The following DLGAP4 variants were observed in gnomAD, a reference collection of about 807,000 sequenced individuals.
DLGAP4 encodes the protein DLG associated protein 4.
DLGAP4 carries 18 observed loss-of-function variants against 86.9 expected under a neutral mutation model. That is an observed-to-expected ratio of 0.21 (90% confidence interval 0.14 to 0.31). The LOEUF is 0.31. Ranked by LOEUF, DLGAP4 falls within the 10% of genes least tolerant of loss-of-function variation. The probability of loss-of-function intolerance (pLI) is 1.00; values close to 1 mark genes in which losing one functional copy is unlikely to be tolerated. For synonymous variants in DLGAP4, 548 were observed against 574.3 expected (o/e 0.95, Z 0.65); for missense variants, 1,085 against 1,362.6 (o/e 0.80, Z 3.21).
At chr20:36,522,701 A>G (rs961862561) in intron 10 of DLGAP4, among the ~76,000 whole-genome samples, 2 of 152,140 alleles carry the variant, frequency 1.3e-5, no homozygotes, top group East Asian at 3.9e-4. Flanking sequence ...TATTTTTAGT[A>G]GAGACAGGGT....
At chr20:36,495,490 C>T (rs1313430014) in intron 7 of DLGAP4, among the ~76,000 whole-genome samples, 1 of 152,180 alleles carries the variant, frequency 6.6e-6, no homozygotes, top group Non-Finnish European at 1.5e-5. Flanking sequence ...AGTTAAGGTG[C>T]TGAGAAAGGC....
chr20:36,497,328 T>C, intron 8 of DLGAP4: 1 of 1,340,404 alleles, frequency 7.5e-7, no homozygotes, highest in East Asian at 3.0e-5. Flanking sequence ...GTAGTTACAC[T>C]CAGCCAGCCA....
At chr20:36,461,085 G>C (rs2034017618) in intron 7 of DLGAP4, among the ~76,000 whole-genome samples, 1 of 152,164 alleles carries the variant, frequency 6.6e-6, no homozygotes, top group South Asian at 2.1e-4. Flanking sequence ...CCCTTACAGC[G>C]AGGTGTCGCT....
intron 2 of DLGAP4, among the ~76,000 whole-genome samples, chr20:36,387,251 G>A (rs553020247): frequency 5.3e-5 from 8 of 152,196 alleles, no homozygotes; most frequent in East Asian, 1.9e-4. Flanking sequence ...CATTAGCGTC[G>A]CCTGACTATT....
rs1399487484 is a variant in DLGAP4 at position 36,360,924 on chromosome 20, G to A, written c.-303-6121G>A. ...TGACGGGCCAAGGGTTCAGGAGGCC[G>A]CTGGGGAGATGAGCCTCAGGTTCAG... On this transcript the variant is annotated intron_variant, in intron 1 of 12. Transcript: ENST00000339266. 3.3e-5 allele frequency among the ~76,000 whole-genome samples: 5 copies of A among 152,056 alleles called. No individual in the cohort carries two copies. The South Asian group carries it at 8.3e-4, about 25-fold the overall frequency.
At chr20:36,445,466 T>G (rs1284748133) in intron 6 of DLGAP4, among the ~76,000 whole-genome samples, 3 of 152,332 alleles carry the variant, frequency 2.0e-5, no homozygotes, top group South Asian at 4.1e-4. Context: ...ATCGCGCCAC[T>G]GCACTTCAGC....
intron 1 of DLGAP4, among the ~76,000 whole-genome samples, chr20:36,317,738 G>A (rs1410544229): frequency 6.6e-6 from 1 of 150,704 alleles, no homozygotes; most frequent in Non-Finnish European, 1.5e-5. Flanking sequence ...TTGTGGGCGT[G>A]AGCCACCGAG....
At chr20:36,479,288 C>A (rs1036634123) in intron 7 of DLGAP4, among the ~76,000 whole-genome samples, 1 of 152,072 alleles carries the variant, frequency 6.6e-6, no homozygotes, top group Non-Finnish European at 1.5e-5. Context: ...AGGATGAGGG[C>A]TCTGCCAGCC....
chr20:36,370,032 G>C (rs973948249), intron 2 of DLGAP4, among the ~76,000 whole-genome samples: 1 of 152,082 alleles, frequency 6.6e-6, no homozygotes, highest in African/African-American at 2.4e-5. Flanking sequence ...CAAGGATCGG[G>C]GTCCAGGAAG....
intron 2 of DLGAP4, among the ~76,000 whole-genome samples, chr20:36,425,199 A>AAT (rs1344373997): frequency 1.3e-5 from 2 of 152,206 alleles, no homozygotes; most frequent in African/African-American, 4.8e-5. Context: ...CAATATCTAG[A>AAT]ATATATACAA....
chr20:36,436,141 G>T lies in DLGAP4; in HGVS notation c.1032G>T (p.Thr344=). ...GCGGCGGCGGCGAGTGGAGCACCAC[G>T]CTGCTGTCCCCACGCGAGACGGATG... ...VPGGGGEWST[T]LLSPRETDAA... is the part of the protein sequence containing the mutation. The change falls in exon 4 of 13, where the codon ACG becomes ACT. Residue 344 remains threonine (T), a synonymous_variant. Transcript: ENST00000339266. 6.3e-7 allele frequency: 1 copy of T among 1,590,408 alleles called. No individual in the cohort carries two copies.
intron 6 of DLGAP4, among the ~76,000 whole-genome samples, chr20:36,445,955 T>G (rs2033581158): frequency 1.3e-5 from 2 of 152,184 alleles, no homozygotes; most frequent in African/African-American, 4.8e-5. Context: ...GACAGTCATT[T>G]CTGGAGAAAT....
rs1321513615 is a variant in DLGAP4, at chr20:36,493,656, C to CAGCCA, written c.1649-3045_1649-3044insAAGCC. Among the ~76,000 whole-genome samples the CAGCCA allele has an allele frequency of 3.3e-5, 5 of 152,204 alleles. No individual in the cohort carries two copies. The East Asian group carries it at 7.7e-4, about 24-fold the overall frequency. On this transcript the variant is annotated intron_variant, in intron 7 of 12. Coordinates refer to ENST00000339266, the MANE Select transcript of DLGAP4 (RefSeq NM_001365621.2). ...GATGAGTGAAGGCCCCAAACACCGG[C>CAGCCA]AGCCCAGCCCAGCCCAGCCCAGCGA... is the stretch of plus-strand genomic sequence containing the variant.
chr20:36,468,404 C>T (rs1419710777), intron 7 of DLGAP4, among the ~76,000 whole-genome samples: 2 of 152,222 alleles, frequency 1.3e-5, no homozygotes, highest in Admixed American at 6.5e-5. Context: ...AGCCAGGAAT[C>T]CCCAGTGGGC....
intron 7 of DLGAP4, among the ~76,000 whole-genome samples, chr20:36,476,339 T>C (rs1458631744): frequency 1.4e-5 from 2 of 139,998 alleles, no homozygotes; most frequent in African/African-American, 5.6e-5. Context: ...TTTTTTTTTT[T>C]TTTTTGGAGA....
intron 2 of DLGAP4, among the ~76,000 whole-genome samples, chr20:36,370,567 A>T (rs1317292336): frequency 6.6e-6 from 1 of 152,162 alleles, no homozygotes; most frequent in East Asian, 1.9e-4. Context: ...CTCAGGTCTC[A>T]TTTAAAGTAA....
Position 36,350,090 on chromosome 20 carries a change from G to A in DLGAP4, c.-303-16955G>A, listed in dbSNP as rs1350323677. Among the ~76,000 whole-genome samples the A allele has an allele frequency of 1.3e-5, 2 of 152,194 alleles. No individual in the cohort carries two copies. The highest frequency in any genetic ancestry group is 2.9e-5 in the Non-Finnish European group (2 of 68,038). Reference sequence around the variant, plus strand: ...ATTTTTAGCCTGTGGGTCTCAAGCGGCTTCTGGTGTCCCTCAGACATGTAT... The same window carrying A: ...ATTTTTAGCCTGTGGGTCTCAAGCGACTTCTGGTGTCCCTCAGACATGTAT... On this transcript the variant is annotated intron_variant, in intron 1 of 12. Transcript: ENST00000339266. This position sits in a 1 kb window ranked among gnomAD's most constrained non-coding sequence, Gnocchi z 4.4.
intron 7 of DLGAP4, among the ~76,000 whole-genome samples, chr20:36,458,548 A>G (rs760478644): frequency 6.6e-6 from 1 of 151,362 alleles, no homozygotes; most frequent in Non-Finnish European, 1.5e-5. Context: ...TACTAAAAAT[A>G]CAAAGCCAGG....
At chr20:36,439,321 G>T (rs1031778144) in intron 4 of DLGAP4, among the ~76,000 whole-genome samples, 1 of 152,186 alleles carries the variant, frequency 6.6e-6, no homozygotes, top group Non-Finnish European at 1.5e-5. Flanking sequence ...TGTATCAGGG[G>T]CCTAAGCTAT....
Sources: allele counts gnomAD v4.1 joint callset (sites outside exome capture counted in the v4.1 genomes callset), GRCh38; gene constraint gnomAD v4.1.1; non-coding constraint Gnocchi (gnomAD v3.1); transcripts MANE v1.5; gene names NCBI Gene and HGNC (gene_info 2026-07-23, HGNC 2026-07-21).